NRXN1: variants seen among roughly 807,000 people sequenced by gnomAD.
The protein encoded by NRXN1 is neurexin 1.
NRXN1 carries 39 observed loss-of-function variants against 150.9 expected under a neutral mutation model. That is an observed-to-expected ratio of 0.26 (90% CI 0.20 to 0.34). The LOEUF (loss-of-function observed/expected upper bound fraction) is 0.34, where lower values mean the gene tolerates loss of function less well. NRXN1 is among the 10% of genes least tolerant of loss of function. The pLI, the probability that NRXN1 is intolerant of heterozygous loss-of-function variation, is 1.00. For synonymous variants in NRXN1, 924 were observed against 757.0 expected (o/e 1.22, Z -3.62); for missense variants, 1,815 against 1,949.9 (o/e 0.93, Z 1.30).
intron 5 of NRXN1, among the ~76,000 whole-genome samples, chr2:50,718,836 C>T (rs1033087683): frequency 3.3e-5 from 5 of 152,082 alleles, no homozygotes; most frequent in African/African-American, 4.8e-5. Flanking sequence ...CCTTCCCTCC[C>T]TTCCTCTCTC....
chr2:50,585,138 C>G (rs956886474), intron 8 of NRXN1, among the ~76,000 whole-genome samples: 1 of 152,154 alleles, frequency 6.6e-6, no homozygotes, highest in African/African-American at 2.4e-5. Flanking sequence ...ATTCTAGTAT[C>G]AGATCTGGAT....
chr2:49,977,253 G>A (rs1679148722), intron 21 of NRXN1, among the ~76,000 whole-genome samples: 1 of 152,092 alleles, frequency 6.6e-6, no homozygotes, highest in African/African-American at 2.4e-5. Flanking sequence ...TAAATCAGTG[G>A]TTTCGGATGG....
At chr2:50,680,168 AAAC>A (rs1332572519) in intron 5 of NRXN1, among the ~76,000 whole-genome samples, 1 of 152,094 alleles carries the variant, frequency 6.6e-6, no homozygotes, top group African/African-American at 2.4e-5. Context: ...AATTTAGGAA[AAAC>A]AACATTACAT....
At chr2:50,146,122 G>C (rs192598442) in intron 18 of NRXN1, among the ~76,000 whole-genome samples, 1 of 151,654 alleles carries the variant, frequency 6.6e-6, no homozygotes, top group African/African-American at 2.4e-5. Context: ...TGAGAGGAGA[G>C]AAGGCGGGTT....
At chr2:50,210,759 T>C (rs1309990260) in intron 18 of NRXN1, among the ~76,000 whole-genome samples, 1 of 151,622 alleles carries the variant, frequency 6.6e-6, no homozygotes, top group Admixed American at 6.6e-5. Flanking sequence ...GATAATGTAC[T>C]AGTTATGAAA....
At chr2:50,338,128 G>C (rs1410863925) in intron 17 of NRXN1, among the ~76,000 whole-genome samples, 1 of 152,176 alleles carries the variant, frequency 6.6e-6, no homozygotes, top group Non-Finnish European at 1.5e-5. Flanking sequence ...TGTCCAATTA[G>C]CCACTTTGCT....
At chr2:50,390,462 G>T (rs747718777) in intron 17 of NRXN1, among the ~76,000 whole-genome samples, 1 of 152,072 alleles carries the variant, frequency 6.6e-6, no homozygotes, top group Non-Finnish European at 1.5e-5. Flanking sequence ...TGTGGCTCAC[G>T]CAATGACTTA....
chr2:50,903,730 T>G (rs1037603009), intron 5 of NRXN1, among the ~76,000 whole-genome samples: 3 of 152,186 alleles, frequency 2.0e-5, no homozygotes, highest in African/African-American at 7.2e-5. Context: ...AAGGGAGCTG[T>G]GTTGGCAAAA....
chr2:50,517,485 A>G (rs916437176), intron 12 of NRXN1, among the ~76,000 whole-genome samples: 2 of 152,090 alleles, frequency 1.3e-5, no homozygotes, highest in African/African-American at 4.8e-5. Flanking sequence ...AAGTAACTCC[A>G]TCTTTTAATG....
chr2:50,213,096 T>G (rs1340700054), intron 18 of NRXN1, among the ~76,000 whole-genome samples: 1 of 151,914 alleles, frequency 6.6e-6, no homozygotes, highest in Non-Finnish European at 1.5e-5. Flanking sequence ...GGTTGTTGTC[T>G]TTGACATTAG....
At chr2:50,744,333 C>A (rs1027387411) in intron 5 of NRXN1, among the ~76,000 whole-genome samples, 2 of 152,064 alleles carry the variant, frequency 1.3e-5, no homozygotes, top group Non-Finnish European at 2.9e-5. Flanking sequence ...AAGAGGCCAT[C>A]AAGACCTCAC....
In NRXN1 at chr2:50,950,765, G is replaced by A. The variant is rs574438606; in HGVS notation, c.773-24810C>T. On this transcript the variant is annotated intron_variant, in intron 2 of 22. Coordinates refer to ENST00000401669, the MANE Select transcript of NRXN1 (RefSeq NM_001330078.2). ...AGTCACACAGAATGTGAGTGTAAGC[G>A]CTAGGGTCCATGCTAATAACTTTTT... Among the ~76,000 whole-genome samples, 4 of 152,296 alleles carry A rather than the reference G, an allele frequency of 2.6e-5. No homozygotes were observed. The East Asian group carries it at 5.8e-4, about 22-fold the overall frequency.
intron 5 of NRXN1, among the ~76,000 whole-genome samples, chr2:50,821,428 A>G (rs1437721560): frequency 1.3e-5 from 2 of 152,218 alleles, no homozygotes; most frequent in Admixed American, 1.3e-4. Context: ...GCTGTGTGAC[A>G]TTAGACAAAC....
At chr2:49,952,437 A>G (rs572697191) in intron 21 of NRXN1, among the ~76,000 whole-genome samples, 2 of 152,190 alleles carry the variant, frequency 1.3e-5, no homozygotes, top group African/African-American at 4.8e-5. Context: ...CTAGAGTTCA[A>G]CTTTTAAAAA....
intron 17 of NRXN1, among the ~76,000 whole-genome samples, chr2:50,386,981 T>G (rs2081369726): frequency 6.6e-6 from 1 of 152,190 alleles, no homozygotes; most frequent in African/African-American, 2.4e-5. Flanking sequence ...AGCTGAGTGA[T>G]CTAGTGCATA....
chr2:49,941,387 C>T (rs1453449557), intron 22 of NRXN1, among the ~76,000 whole-genome samples: 15 of 151,364 alleles, frequency 9.9e-5, no homozygotes, highest in Admixed American at 9.2e-4. Context: ...TCTCTCCTCT[C>T]CTCTACCTTC....
chr2:50,187,500 G>T (rs2061157685), intron 18 of NRXN1, among the ~76,000 whole-genome samples: 1 of 151,766 alleles, frequency 6.6e-6, no homozygotes, highest in Admixed American at 6.6e-5. Context: ...AAAAAATAGT[G>T]GTAGTTTGAA....
intron 17 of NRXN1, among the ~76,000 whole-genome samples, chr2:50,368,952 T>C (rs1213957996): frequency 6.6e-6 from 1 of 151,902 alleles, no homozygotes; most frequent in African/African-American, 2.4e-5. Flanking sequence ...TTGTAATAAA[T>C]AACAAGATGG....
At position 51,027,974 on chromosome 2, in the gene NRXN1, A is replaced by G; in HGVS notation, c.300T>C (p.Pro100=). The part of the protein sequence containing the change: ...QLSFSIFCAE[P]ATLLADTPVN... Reference sequence around the variant, plus strand: ...CCGGCGTGTCGGCCAGGAGCGTCGCAGGCTCAGCGCAGAAGATGGAGAAGC... The same window carrying G: ...CCGGCGTGTCGGCCAGGAGCGTCGCGGGCTCAGCGCAGAAGATGGAGAAGC... Residue 100 remains proline, a synonymous_variant, in exon 2 of 23, where the codon CCT becomes CCC. Transcript: ENST00000401669. The G allele has an allele frequency of 6.2e-7, 1 of 1,601,906 alleles. No individual in the cohort carries two copies. Among genetic ancestry groups the G allele is most frequent in the Non-Finnish European group, 8.5e-7 (1 of 1,179,384 alleles).
Sources: gnomAD v4.1 joint callset for allele counts (sites outside exome capture counted in the v4.1 genomes callset) on GRCh38, gnomAD v4.1.1 for gene constraint, MANE v1.5 for transcripts, NCBI Gene and HGNC (gene_info 2026-07-23, HGNC 2026-07-21) for gene names.